The following SRGAP2 variants were observed in gnomAD, a reference collection of about 807,000 sequenced individuals.
The protein encoded by SRGAP2 is SLIT-ROBO Rho GTPase-activating protein 2.
SRGAP2 carries 15 observed loss-of-function variants against 57.2 expected under a neutral mutation model. The observed-to-expected ratio is 0.26, with a 90% CI of 0.18 to 0.40. SRGAP2 has a LOEUF of 0.40. Ranked by LOEUF, SRGAP2 falls within the 10% of genes least tolerant of loss-of-function variation. SRGAP2 has a pLI of 1.00. For synonymous variants in SRGAP2, 249 were observed against 248.0 expected, an observed-to-expected ratio of 1.00 and a Z score of -0.04; for missense variants, 520 against 669.6, an observed-to-expected ratio of 0.78 and a Z score of 2.47.
chr1:206,290,219 G>A (rs1290895992), intron 2 of SRGAP2, among the ~76,000 whole-genome samples: 17 of 152,204 alleles, frequency 1.1e-4, no homozygotes, highest in Non-Finnish European at 1.2e-4. Flanking sequence ...GTGTGCGTAT[G>A]TGTGTGTGCA....
rs142674729 is a variant in SRGAP2 at position 206,324,828 on chromosome 1, G to A, written c.261-18018G>A. 3.0e-3 allele frequency among the ~76,000 whole-genome samples: 461 copies of A among 152,254 alleles called. 2 individuals carry two copies. The highest frequency in any genetic ancestry group is 0.01 in the African/African-American group (432 of 41,532). On this transcript the variant is annotated intron_variant, in intron 3 of 22. Transcript: ENST00000573034. ...GACCACTTATCTTACAGGTATGTAA[G>A]GAAGACACTGGGGTCATTTACAGAG...
In SRGAP2 at chr1:206,303,133, G is replaced by A. The variant is rs1671972758; in HGVS notation, c.68-148G>A. ...TTTTGGAGGTGCCTCACATCCTATG[G>A]CCAGTTTAGACTTTAGGCTTTTTTG... On this transcript the variant is annotated intron_variant, in intron 2 of 22. Coordinates refer to ENST00000573034, the MANE Select transcript of SRGAP2 (RefSeq NM_015326.5). The A allele has an allele frequency of 7.9e-5, 36 of 454,468 alleles. No individual in the cohort carries two copies. The South Asian group carries it at 1.7e-3, about 21-fold the overall frequency. 28.2% of individuals were successfully genotyped at this position (454,468 alleles called of 1,614,324 possible).
intron 16 of SRGAP2, 28 bp from the exon 17 acceptor site, chr1:206,439,948 G>A (rs1572159718): frequency 3.9e-6 from 3 of 778,870 alleles, no homozygotes; most frequent in South Asian, 2.7e-5. Flanking sequence ...TCATAGTGGA[G>A]GATAACACAT....
chr1:206,456,181 T>C (rs1663817021), intron 21 of SRGAP2: 1 of 152,242 alleles, frequency 6.6e-6, no homozygotes, highest in Non-Finnish European at 1.5e-5. Flanking sequence ...CCAGATCTCT[T>C]GGCTTTTTTC....
intron 4 of SRGAP2, among the ~76,000 whole-genome samples, chr1:206,373,707 C>T (rs1345419651): frequency 1.3e-5 from 1 of 74,156 alleles, no homozygotes; most frequent in East Asian, 3.7e-4. Context: ...TGCACTCCAG[C>T]CTGGTGATAG....
intron 2 of SRGAP2, among the ~76,000 whole-genome samples, chr1:206,298,437 G>A (rs1671704265): frequency 6.6e-6 from 1 of 152,174 alleles, no homozygotes; most frequent in Non-Finnish European, 1.5e-5. Context: ...CCCCTTCACT[G>A]GCAGATGGTG....
intron 3 of SRGAP2, among the ~76,000 whole-genome samples, chr1:206,307,591 C>T (rs1672318408): frequency 6.6e-6 from 1 of 152,256 alleles, no homozygotes; most frequent in African/African-American, 2.4e-5. Flanking sequence ...GTCCCGAGCC[C>T]TGCCCCGCGG....
chr1:206,416,176 A>G (rs548174560), intron 11 of SRGAP2, among the ~76,000 whole-genome samples: 76 of 152,316 alleles, frequency 5.0e-4, no homozygotes, highest in African/African-American at 1.8e-3. Flanking sequence ...ATGAAGCACT[A>G]ACGTGTATCA....
chr1:206,372,905 TTC>T (rs1216763639), intron 4 of SRGAP2, among the ~76,000 whole-genome samples: 3 of 5,590 alleles, frequency 5.4e-4, no homozygotes, highest in South Asian at 0.018. Flanking sequence ...TCTCCTTTCT[TTC>T]TTTCTTTCTT....
At chr1:206,373,761 A>G (rs1654941526) in intron 4 of SRGAP2, among the ~76,000 whole-genome samples, 1 of 105,490 alleles carries the variant, frequency 9.5e-6, no homozygotes, top group Admixed American at 1.0e-4. Context: ...GACATTTCCT[A>G]GTAAAGACTA....
At chr1:206,417,291 AT>A in intron 11 of SRGAP2, among the ~76,000 whole-genome samples, 1 of 151,170 alleles carries the variant, frequency 6.6e-6, no homozygotes, top group East Asian at 2.0e-4. Context: ...TTCAGTTGAG[AT>A]GGGGTTTTGC....
chr1:206,386,008 G>A (rs1381507201), intron 5 of SRGAP2, among the ~76,000 whole-genome samples: 6 of 152,250 alleles, frequency 3.9e-5, no homozygotes, highest in African/African-American at 1.4e-4. Flanking sequence ...GCACTAGGAA[G>A]TTTCAGAGAA....
chr1:206,410,708 C>G (rs1659143081), intron 10 of SRGAP2, among the ~76,000 whole-genome samples: 1 of 152,154 alleles, frequency 6.6e-6, no homozygotes, highest in South Asian at 2.1e-4. Flanking sequence ...ATGTTAGTCC[C>G]AAAAGATCTG....
intron 4 of SRGAP2, among the ~76,000 whole-genome samples, chr1:206,369,040 C>T (rs1162891428): frequency 1.3e-5 from 2 of 152,200 alleles, no homozygotes; most frequent in Non-Finnish European, 2.9e-5. Flanking sequence ...ATATATCTCT[C>T]ATCATTTTTC....
intron 4 of SRGAP2, among the ~76,000 whole-genome samples, chr1:206,366,596 A>G (rs1295998100): frequency 6.6e-6 from 1 of 152,160 alleles, no homozygotes; most frequent in Non-Finnish European, 1.5e-5. Flanking sequence ...CGATAACTAC[A>G]GCAAGCAATT....
At chr1:206,257,802 A>C (rs1669291105) in intron 2 of SRGAP2, among the ~76,000 whole-genome samples, 1 of 137,620 alleles carries the variant, frequency 7.3e-6, no homozygotes, top group Non-Finnish European at 1.6e-5. Flanking sequence ...GATGGTGATA[A>C]GTAATTTGAA....
intron 2 of SRGAP2, among the ~76,000 whole-genome samples, chr1:206,236,352 G>A (rs1667907287): frequency 1.3e-5 from 2 of 152,226 alleles, no homozygotes; most frequent in Non-Finnish European, 2.9e-5. Context: ...GGGGTCTTGG[G>A]AAGGGATCTT....
chr1:206,365,501 C>T (rs1327969908), intron 4 of SRGAP2, among the ~76,000 whole-genome samples: 6 of 151,012 alleles, frequency 4.0e-5, no homozygotes, highest in African/African-American at 9.8e-5. Context: ...AGAAGAATTT[C>T]AACACACATT....
intron 3 of SRGAP2, among the ~76,000 whole-genome samples, chr1:206,313,425 G>T (rs1672817763): frequency 7.0e-6 from 1 of 142,492 alleles, no homozygotes; most frequent in Non-Finnish European, 1.5e-5. Context: ...CTTCAGTAAG[G>T]AAATGAGATT....
Sources: allele counts gnomAD v4.1 joint callset (sites outside exome capture counted in the v4.1 genomes callset), GRCh38; gene constraint gnomAD v4.1.1; transcripts MANE v1.5; gene names NCBI Gene and HGNC (gene_info 2026-07-23, HGNC 2026-07-21).